Variants in RNLS observed in about 807,000 individuals in gnomAD.
RNLS encodes renalase.
RNLS carries 39 observed loss-of-function variants against 39.8 expected under a neutral mutation model. That is an observed-to-expected ratio of 0.98 (90% CI 0.76 to 1.28). The LOEUF (loss-of-function observed/expected upper bound fraction) is 1.28, where lower values mean the gene tolerates loss of function less well. Among genes scored for constraint, RNLS ranks in the 50% most tolerant of loss-of-function variants. The pLI is 0.00. For synonymous variants in RNLS, 147 were observed against 150.7 expected, an observed-to-expected ratio of 0.98 and a Z score of 0.18; for missense variants, 410 against 413.3, an observed-to-expected ratio of 0.99 and a Z score of 0.07.
In RNLS at chr10:88,572,994, G is replaced by A; in HGVS notation, c.435C>T (p.Ser145=). The A allele has an allele frequency of 6.2e-7, 1 of 1,614,022 alleles. No individual in the cohort carries two copies. The highest frequency in any genetic ancestry group is 8.5e-7 in the Non-Finnish European group (1 of 1,179,932). The change falls in exon 4 of 7, where the codon TCC becomes TCT. Residue 145 remains serine (S), a synonymous_variant. Coordinates refer to ENST00000331772, the MANE Select transcript of RNLS (RefSeq NM_001031709.3). ...INLRDDKWEV[S]KQTGSPEQFD... ...ACTGCTCAGGGGAGCCTGTTTGTTT[G>A]GATACTTCCCATTTGTCATCTCTTA...
intron 4 of RNLS, among the ~76,000 whole-genome samples, chr10:88,525,069 C>A (rs1482541604): frequency 6.8e-6 from 1 of 147,164 alleles, no homozygotes; most frequent in Non-Finnish European, 1.5e-5. Flanking sequence ...CAAGGAGAAA[C>A]TTTAGTTGCT....
At chr10:88,568,676 G>C (rs1041801880) in intron 4 of RNLS, among the ~76,000 whole-genome samples, 2 of 152,036 alleles carry the variant, frequency 1.3e-5, no homozygotes, top group African/African-American at 2.4e-5. Context: ...ATCAATATAC[G>C]CAAAGCAAAG....
intron 4 of RNLS, among the ~76,000 whole-genome samples, chr10:88,546,993 A>C (rs1326230252): frequency 6.6e-6 from 1 of 152,284 alleles, no homozygotes; most frequent in East Asian, 1.9e-4. Context: ...CATCCAAAGC[A>C]GATATCTAAA....
At chr10:88,388,504 G>A (rs914672467) in intron 4 of RNLS, among the ~76,000 whole-genome samples, 1 of 152,058 alleles carries the variant, frequency 6.6e-6, no homozygotes, top group African/African-American at 2.4e-5. Context: ...TAGCTATGGA[G>A]GCCTCCTTTT....
the RNLS span, among the ~76,000 whole-genome samples, chr10:88,222,502 TG>T: frequency 4.6e-5 from 7 of 152,146 alleles, no homozygotes; most frequent in Admixed American, 4.6e-4. Context: ...TTTATAAAAC[TG>T]GGGAAAAATA....
chr10:88,415,375 A>T (rs1325852220), intron 4 of RNLS, among the ~76,000 whole-genome samples: 2 of 152,190 alleles, frequency 1.3e-5, no homozygotes, highest in African/African-American at 4.8e-5. Context: ...ACTTCAAAAG[A>T]CAGATTATTA....
chr10:88,263,956 T>G, the RNLS span, among the ~76,000 whole-genome samples: 1 of 152,152 alleles, frequency 6.6e-6, no homozygotes, highest in South Asian at 2.1e-4. Context: ...GTGTAGCCTT[T>G]TATCCCTCAC....
chr10:88,436,290 T>C (rs558196698), intron 4 of RNLS, among the ~76,000 whole-genome samples: 16 of 152,192 alleles, frequency 1.1e-4, no homozygotes, highest in African/African-American at 3.9e-4. Context: ...CCTGCATGTG[T>C]AGGATGCCAC....
the RNLS span, among the ~76,000 whole-genome samples, chr10:88,222,352 A>T: frequency 6.6e-6 from 1 of 152,136 alleles, no homozygotes; most frequent in Admixed American, 6.6e-5. Context: ...GTAGGATGTG[A>T]TATACAAACC....
At chr10:88,526,477 A>G (rs1847107694) in intron 4 of RNLS, among the ~76,000 whole-genome samples, 1 of 152,058 alleles carries the variant, frequency 6.6e-6, no homozygotes, top group Non-Finnish European at 1.5e-5. Flanking sequence ...AAATTTTGGA[A>G]GCTGGACAGG....
At chr10:88,435,202 C>T (rs1471419843) in intron 4 of RNLS, among the ~76,000 whole-genome samples, 1 of 151,936 alleles carries the variant, frequency 6.6e-6, no homozygotes, top group Non-Finnish European at 1.5e-5. Flanking sequence ...AGAGAAAGGG[C>T]CCTGGTACTT....
the RNLS span, among the ~76,000 whole-genome samples, chr10:88,258,181 C>A: frequency 6.6e-6 from 1 of 152,052 alleles, no homozygotes; most frequent in Non-Finnish European, 1.5e-5. Flanking sequence ...GGTTAGAGGG[C>A]AAAATGTTAC....
At chr10:88,317,487 A>G (rs1845845749) in intron 5 of RNLS, among the ~76,000 whole-genome samples, 1 of 152,222 alleles carries the variant, frequency 6.6e-6, no homozygotes, top group African/African-American at 2.4e-5. Flanking sequence ...ATTAAGACTG[A>G]TCATTACATC....
chr10:88,253,601 G>T, the RNLS span, among the ~76,000 whole-genome samples: 1 of 152,170 alleles, frequency 6.6e-6, no homozygotes, highest in African/African-American at 2.4e-5. Flanking sequence ...TGTTCCCAAT[G>T]CCTTTTTATT....
chr10:88,391,803 A>T (rs556408090), intron 4 of RNLS, among the ~76,000 whole-genome samples: 3 of 152,306 alleles, frequency 2.0e-5, no homozygotes, highest in South Asian at 2.1e-4. Context: ...GTAAGCTTTT[A>T]TTTAAAAAAA....
chr10:88,335,251 T>C lies in RNLS; in HGVS notation c.701-20610A>G, dbSNP rs1417346093. Among the ~76,000 whole-genome samples the C allele has an allele frequency of 2.6e-5, 4 of 151,776 alleles. No homozygotes were observed. The South Asian group carries it at 6.2e-4, about 24-fold the overall frequency. ...TTTTTTCTTTGCGACAATGTCTTGC[T>C]CTATTACCCAGGCTGGAGTGCAGTG... On this transcript the variant is annotated intron_variant, in intron 5 of 6. Transcript: ENST00000331772.
chr10:88,353,736 G>A (rs1216996732), intron 5 of RNLS, among the ~76,000 whole-genome samples: 3 of 152,160 alleles, frequency 2.0e-5, no homozygotes, highest in Non-Finnish European at 4.4e-5. Context: ...TCTGCTGGGT[G>A]CAGATCTGAA....
intron 6 of RNLS, 32 bp downstream of exon 6, chr10:88,314,434 G>A (rs548396829): frequency 1.9e-6 from 3 of 1,606,826 alleles, no homozygotes; most frequent in African/African-American, 1.3e-5. Flanking sequence ...TAAGAAAATT[G>A]TTGTGCTTAG....
chr10:88,578,216 AC>A (rs1190691176), intron 3 of RNLS, among the ~76,000 whole-genome samples: 1 of 152,150 alleles, frequency 6.6e-6, no homozygotes, highest in African/African-American at 2.4e-5. Context: ...AACTTCCATT[AC>A]AATATTCTGT....
Sources: gnomAD v4.1 joint callset for allele counts (sites outside exome capture counted in the v4.1 genomes callset) on GRCh38, gnomAD v4.1.1 for gene constraint, MANE v1.5 for transcripts, NCBI Gene and HGNC (gene_info 2026-07-23, HGNC 2026-07-21) for gene names.